The following POU1F1 variants were observed in gnomAD, a reference collection of about 807,000 sequenced individuals.
POU1F1 encodes the protein pituitary-specific positive transcription factor 1.
In POU1F1, 23 loss-of-function variants were observed where a neutral mutation model predicts 32.3. The ratio of observed to expected loss-of-function variants is 0.71; its 90% CI spans 0.51 to 1.01. The LOEUF is 1.01. Ranked by LOEUF, POU1F1 falls within the 50% of genes least tolerant of loss-of-function variation. The pLI is 0.00. For synonymous variants in POU1F1, 120 were observed against 115.6 expected (o/e 1.04, Z -0.25); for missense variants, 323 against 341.6 (o/e 0.95, Z 0.43).
At chr3:87,264,240 G>A (rs765155881) in intron 3 of POU1F1, 48 bp downstream of exon 3, 1 of 1,444,318 alleles carries the variant, frequency 6.9e-7, no homozygotes, top group Admixed American at 1.7e-5. Context: ...CAGCAATAAA[G>A]ATTTGCAAAC....
intron 2 of POU1F1, among the ~76,000 whole-genome samples, chr3:87,264,713 C>G (rs1706585013): frequency 6.6e-6 from 1 of 152,020 alleles, no homozygotes; most frequent in African/African-American, 2.4e-5. Flanking sequence ...TCTACCTTCT[C>G]CAGAGCAGCA....
At position 87,260,103 on chromosome 3, in the gene POU1F1, T is replaced by C. The variant is rs770960302; in HGVS notation, c.667A>G (p.Ile223Val). The C allele has an allele frequency of 3.7e-6, 6 of 1,613,302 alleles. 1 individual carries two copies. In the South Asian group the frequency reaches 6.6e-5, roughly 18 times the overall value. ...RKRKRRTTIS[I>V]AAKDALERHF... ...CTCTCCAGAGCATCTTTAGCAGCAA[T>C]GCTGGCGGGGGGTGGACATAGGGGG... Residue 223 changes from isoleucine to valine, a missense_variant and splice_region_variant, in exon 6 of 6, where the codon ATT becomes GTT. Transcript: ENST00000350375.
chr3:87,261,705 G>T (rs1387292729), intron 4 of POU1F1, among the ~76,000 whole-genome samples: 2 of 152,044 alleles, frequency 1.3e-5, no homozygotes, highest in African/African-American at 4.8e-5. Flanking sequence ...AGACTGGTGT[G>T]TGCAAATGTT....
intron 1 of POU1F1, chr3:87,273,646 T>C: frequency 1.4e-6 from 1 of 724,034 alleles, no homozygotes; most frequent in Non-Finnish European, 2.2e-6. Context: ...GGATCAAAGT[T>C]TGTCTCATGT....
At position 87,259,992 on chromosome 3, in the gene POU1F1, C is replaced by T. The variant is rs773224032; in HGVS notation, c.778G>A (p.Val260Ile). ...CTCTGCCTCCGGTTGCAAAACCAAA[C>T]TCTTACTACTTCTTTCTCCAGATTC... ...ELNLEKEVVR[V>I]WFCNRRQREK... Residue 260 changes from valine to isoleucine, a missense_variant, in exon 6 of 6, where the codon GTT (valine) becomes ATT (isoleucine). Coordinates refer to ENST00000350375, the MANE Select transcript of POU1F1 (RefSeq NM_000306.4). 1.0e-4 allele frequency: 167 copies of T among 1,614,024 alleles called. No homozygotes were observed. Among genetic ancestry groups the T allele is most frequent in the Non-Finnish European group, 1.4e-4 (162 of 1,180,020 alleles).
intron 2 of POU1F1, among the ~76,000 whole-genome samples, chr3:87,271,721 T>C (rs1706728898): frequency 6.6e-6 from 1 of 152,128 alleles, no homozygotes; most frequent in Non-Finnish European, 1.5e-5. Context: ...CTATTCTCAT[T>C]AACCATGAAT....
intron 2 of POU1F1, among the ~76,000 whole-genome samples, chr3:87,267,579 C>T (rs1324843552): frequency 1.4e-5 from 2 of 146,538 alleles, no homozygotes; most frequent in East Asian, 4.1e-4. Context: ...TCCCTGTTTC[C>T]GTAAAATTGT....
At chr3:87,263,896 T>C (rs931547513) in intron 3 of POU1F1, among the ~76,000 whole-genome samples, 7 of 151,876 alleles carry the variant, frequency 4.6e-5, no homozygotes, top group Non-Finnish European at 8.8e-5. Flanking sequence ...TGAGATATCA[T>C]TGGAAAGATA....
chr3:87,259,608 T>C lies in POU1F1; in HGVS notation c.*286A>G, dbSNP rs35138940. 1 of 387,650 alleles carries C rather than the reference T, an allele frequency of 2.6e-6. No homozygotes were observed. The highest frequency in any genetic ancestry group is 4.7e-6 in the Non-Finnish European group (1 of 212,608). The allele number at this position is 387,650 out of a possible 1,614,324, so 24.0% of individuals were successfully genotyped here. ...ATAAACCCATACTCATATGTCTGCG[T>C]GTGTGTGAGAAAGAGAGCGGGAGAG... is the stretch of plus-strand genomic sequence containing the variant. On this transcript the variant is annotated 3_prime_UTR_variant, in exon 6 of 6. Transcript: ENST00000350375.
chr3:87,276,324 T>C lies in POU1F1; in HGVS notation c.139A>G (p.Thr47Ala), dbSNP rs774796594. The change falls in exon 1 of 6, where the codon ACA becomes GCA. Residue 47 changes from threonine (T) to alanine (A), a missense_variant. Thr to Ala is a moderately conservative substitution (Grantham distance 58, BLOSUM62 0). Transcript: ENST00000350375. ...AAACTGTCATAGGAGTCAGTACCTG[T>C]AGACATCACATTGGTGGCATGGTTG... ...VSNHATNVMSTATGLHYSVPS... is the reference protein window; with the variant it reads ...VSNHATNVMSAATGLHYSVPS... 1 of 1,613,912 alleles carries C rather than the reference T, an allele frequency of 6.2e-7. No homozygotes were observed. Among genetic ancestry groups the C allele is most frequent in the East Asian group, 2.2e-5 (1 of 44,876 alleles).
intron 2 of POU1F1, among the ~76,000 whole-genome samples, chr3:87,268,549 A>C (rs1401556644): frequency 1.3e-5 from 2 of 152,172 alleles, no homozygotes; most frequent in African/African-American, 2.4e-5. Context: ...CTGAGCCTGC[A>C]TTTGGGGGAG....
chr3:87,276,561 GC>G lies in POU1F1; in HGVS notation c.-100del, dbSNP rs1218172763. 1 of 1,381,912 alleles carries G rather than the reference GC, an allele frequency of 7.2e-7. No individual in the cohort carries two copies. The highest frequency in any genetic ancestry group is 2.5e-5 in the East Asian group (1 of 40,454). The allele number at this position is 1,381,912 out of a possible 1,614,324, so 85.6% of individuals were successfully genotyped here. On this transcript the variant is annotated 5_prime_UTR_variant, in exon 1 of 6. The change abolishes an upstream ATG in the 5' untranslated region. Coordinates refer to ENST00000350375, the MANE Select transcript of POU1F1 (RefSeq NM_000306.4). ...AGGGCCGATTCAATTCTCACTACCT[GC>G]ATATATACATCAGGAAGGCTCTGAG... is the stretch of plus-strand genomic sequence containing the variant.
chr3:87,273,313 A>G (rs372949429), intron 2 of POU1F1, 34 bp downstream of exon 2: 416 of 1,590,222 alleles, frequency 2.6e-4, no homozygotes, highest in Admixed American at 3.9e-4. Context: ...AGTGTCCCCA[A>G]ATTCAATAAC....
chr3:87,263,135 T>G (rs1344502244), intron 3 of POU1F1, among the ~76,000 whole-genome samples: 1 of 152,016 alleles, frequency 6.6e-6, no homozygotes, highest in Non-Finnish European at 1.5e-5. Flanking sequence ...TTTATGCAAT[T>G]TAACCAAAGT....
intron 3 of POU1F1, among the ~76,000 whole-genome samples, chr3:87,262,809 G>T (rs927446127): frequency 1.3e-4 from 19 of 151,970 alleles, no homozygotes; most frequent in African/African-American, 4.6e-4. Flanking sequence ...TTTTGATAAT[G>T]CCTCTGTCTT....
At chr3:87,269,127 T>C (rs1401163680) in intron 2 of POU1F1, among the ~76,000 whole-genome samples, 1 of 152,196 alleles carries the variant, frequency 6.6e-6, no homozygotes, top group Non-Finnish European at 1.5e-5. Flanking sequence ...TCCCCTCTGT[T>C]GCTTAGGCAT....
intron 2 of POU1F1, among the ~76,000 whole-genome samples, chr3:87,270,342 G>A (rs1706701834): frequency 6.6e-6 from 1 of 152,090 alleles, no homozygotes; most frequent in Admixed American, 6.6e-5. Flanking sequence ...TTAGTAATTA[G>A]TTAATGGCAT....
intron 4 of POU1F1, among the ~76,000 whole-genome samples, chr3:87,261,803 A>G (rs1305235106): frequency 6.6e-6 from 1 of 152,224 alleles, no homozygotes. Flanking sequence ...GTGTAAAAAA[A>G]TAAGTATTTT....
chr3:87,260,231 C>T, intron 5 of POU1F1, 127 bp from the exon 6 acceptor site: 1 of 717,726 alleles, frequency 1.4e-6, no homozygotes. Context: ...ACTCTGAACA[C>T]ACTTGCAGGA....
Sources: allele counts gnomAD v4.1 joint callset (sites outside exome capture counted in the v4.1 genomes callset), GRCh38; gene constraint gnomAD v4.1.1; transcripts MANE v1.5; gene names NCBI Gene and HGNC (gene_info 2026-07-23, HGNC 2026-07-21).